The following TEX30 variants were observed in gnomAD, a reference collection of about 807,000 sequenced individuals.
The protein encoded by TEX30 is testis expressed 30.
TEX30 carries 14 observed loss-of-function variants against 23.8 expected under a neutral mutation model. That is an observed-to-expected ratio of 0.59 (90% CI 0.39 to 0.92). The LOEUF (loss-of-function observed/expected upper bound fraction) is 0.92. Ranked by LOEUF, TEX30 falls within the 40% of genes least tolerant of loss-of-function variation. TEX30 has a pLI of 0.00. For synonymous variants in TEX30, 78 were observed against 90.2 expected (o/e 0.87, Z 0.76); for missense variants, 246 against 270.6 (o/e 0.91, Z 0.64).
Position 102,773,757 on chromosome 13 carries a change from G to C in TEX30, c.-136C>G, listed in dbSNP as rs980686136. 4.6e-5 allele frequency: 7 copies of C among 152,076 alleles called. No homozygotes were observed. Among genetic ancestry groups the C allele is most frequent in the Non-Finnish European group, 7.4e-5 (5 of 67,974 alleles). 9.4% of individuals were successfully genotyped at this position (152,076 alleles called of 1,614,324 possible). A position where few individuals can be genotyped will look rare whatever the true frequency, so the allele number is the denominator to read the frequency against. On this transcript the variant is annotated 5_prime_UTR_variant, in exon 1 of 6. Coordinates refer to ENST00000376032, the MANE Select transcript of TEX30 (RefSeq NM_138779.5). ...GGGAGCTGACTAGCGCGCTCGAAGC[G>C]ACCGCCTCGCCTGCCCCGCCACAGC...
At chr13:102,768,827 T>C (rs1047459667) in intron 3 of TEX30, among the ~76,000 whole-genome samples, 7 of 152,200 alleles carry the variant, frequency 4.6e-5, no homozygotes, top group Admixed American at 1.3e-4. Context: ...TCATAATGTT[T>C]TAAGTAAGTT....
At chr13:102,768,009 G>C (rs1008771986) in intron 4 of TEX30, among the ~76,000 whole-genome samples, 4 of 152,114 alleles carry the variant, frequency 2.6e-5, no homozygotes, top group Admixed American at 1.3e-4. Flanking sequence ...TCATTGTAAA[G>C]GAATCATCAT....
chr13:102,770,615 T>C (rs1877253949), intron 1 of TEX30: 1 of 152,222 alleles, frequency 6.6e-6, no homozygotes, highest in East Asian at 1.9e-4. Flanking sequence ...TAGGTAGACA[T>C]TTCAATGTGT....
At chr13:102,771,666 A>G (rs192525947) in intron 1 of TEX30, among the ~76,000 whole-genome samples, 29 of 152,342 alleles carry the variant, frequency 1.9e-4, no homozygotes, top group South Asian at 2.1e-4. Context: ...CTATCTTCAT[A>G]CATGCAGCCC....
chr13:102,771,065 C>G (rs1877283465), intron 1 of TEX30, among the ~76,000 whole-genome samples: 1 of 152,222 alleles, frequency 6.6e-6, no homozygotes, highest in African/African-American at 2.4e-5. Context: ...CCACTCTTGA[C>G]TTGACATCAG....
At chr13:102,768,701 G>T (rs974287032) in intron 3 of TEX30, among the ~76,000 whole-genome samples, 3 of 152,124 alleles carry the variant, frequency 2.0e-5, no homozygotes, top group Non-Finnish European at 1.5e-5. Context: ...TAGATCAGGG[G>T]TGTTCAATCT....
chr13:102,768,646 A>G (rs1332088132), intron 3 of TEX30, among the ~76,000 whole-genome samples: 2 of 152,246 alleles, frequency 1.3e-5, no homozygotes, highest in African/African-American at 4.8e-5. Flanking sequence ...TGATAATGTT[A>G]ACATCTAAAG....
At position 102,766,341 on chromosome 13, in the gene TEX30, G is replaced by C; in HGVS notation, c.*60C>G. 2.2e-6 allele frequency: 3 copies of C among 1,379,794 alleles called. No individual in the cohort carries two copies. Among genetic ancestry groups the C allele is most frequent in the Non-Finnish European group, 3.0e-6 (3 of 995,518 alleles). 85.5% of individuals were successfully genotyped at this position (1,379,794 alleles called of 1,614,324 possible). ...TCTGAAATATATCTCACAATGCTGA[G>C]AGGCATACTCTTCTTTATCAAATTA... On this transcript the variant is annotated 3_prime_UTR_variant, in exon 6 of 6. Coordinates refer to ENST00000376032, the MANE Select transcript of TEX30 (RefSeq NM_138779.5).
chr13:102,769,608 T>C, intron 2 of TEX30, 67 bp from the exon 3 acceptor site: 1 of 928,414 alleles, frequency 1.1e-6, no homozygotes, highest in Non-Finnish European at 1.6e-6. Flanking sequence ...TGAACAGCTA[T>C]ATATATGTTT....
Position 102,766,547 on chromosome 13 carries a change from C to T in TEX30, c.538G>A (p.Ala180Thr). 1 of 1,613,174 alleles carries T rather than the reference C, an allele frequency of 6.2e-7. No homozygotes were observed. ...TCAATCCAGTGGATTTTATGGGGAG[C>T]TTGCATTTTCTGTGCCACTTTCTCC... ...LLEKVAQKMQAPHKIHWIEKA... is the reference protein window; with the variant it reads ...LLEKVAQKMQTPHKIHWIEKA... Residue 180 changes from alanine (A) to threonine (T), a missense_variant, in exon 6 of 6, where the codon GCT becomes ACT. Physicochemically the swap from Ala to Thr is moderately conservative, Grantham distance 58. Coordinates refer to ENST00000376032, the MANE Select transcript of TEX30 (RefSeq NM_138779.5).
intron 2 of TEX30, 74 bp downstream of exon 2, chr13:102,769,938 A>T: frequency 7.9e-7 from 1 of 1,268,068 alleles, no homozygotes; most frequent in Non-Finnish European, 1.0e-6. Context: ...AAATAAAATT[A>T]CTCTGAAGCC....
Position 102,769,409 on chromosome 13 carries a change from G to T in TEX30, c.148C>A (p.Leu50Met). ...CCATGAGATGCAAGATGGGATGCCA[G>T]TGACATCAAATGAGGAAGATTCATA... Reference protein sequence around the residue: ...GDMNLPHLMSLASHLASHGFF... With the variant: ...GDMNLPHLMSMASHLASHGFF... The change falls in exon 3 of 6, where the codon CTG (leucine) becomes ATG (methionine). Residue 50 changes from leucine (L) to methionine (M), a missense_variant. Coordinates refer to ENST00000376032, the MANE Select transcript of TEX30 (RefSeq NM_138779.5). 3 of 1,609,940 alleles carry T rather than the reference G, an allele frequency of 1.9e-6. No individual in the cohort carries two copies. The highest frequency in any genetic ancestry group is 2.5e-6 in the Non-Finnish European group (3 of 1,178,622).
At chr13:102,771,172 G>A (rs2139048210) in intron 1 of TEX30, among the ~76,000 whole-genome samples, 1 of 152,172 alleles carries the variant, frequency 6.6e-6, no homozygotes, top group Non-Finnish European at 1.5e-5. Context: ...GTATTTATAA[G>A]ATAAATTCCT....
intron 1 of TEX30, among the ~76,000 whole-genome samples, chr13:102,771,296 T>G (rs1877301038): frequency 6.6e-6 from 1 of 152,222 alleles, no homozygotes; most frequent in South Asian, 2.1e-4. Context: ...GTGCACACGG[T>G]ACATTAAAAA....
Position 102,766,039 on chromosome 13 carries a change from T to C in TEX30, c.*362A>G, listed in dbSNP as rs1876843137. Reference sequence around the variant, plus strand: ...AAATCTCTGACTAGATTAACCATAATGTTTTCCTTTTCTGAAGATAACGCT... The same window carrying C: ...AAATCTCTGACTAGATTAACCATAACGTTTTCCTTTTCTGAAGATAACGCT... On this transcript the variant is annotated 3_prime_UTR_variant, in exon 6 of 6. Coordinates refer to ENST00000376032, the MANE Select transcript of TEX30 (RefSeq NM_138779.5). 1 of 160,484 alleles carries C rather than the reference T, an allele frequency of 6.2e-6. No individual in the cohort carries two copies. The highest frequency in any genetic ancestry group is 2.4e-5 in the African/African-American group (1 of 41,748). 9.9% of individuals were successfully genotyped at this position (160,484 alleles called of 1,614,324 possible). A position where few individuals can be genotyped will look rare whatever the true frequency, so the allele number is the denominator to read the frequency against.
chr13:102,769,103 T>C (rs1464749395), intron 3 of TEX30, among the ~76,000 whole-genome samples: 1 of 152,178 alleles, frequency 6.6e-6, no homozygotes, highest in African/African-American at 2.4e-5. Context: ...CGGAGGAACA[T>C]TTATGATGTA....
At chr13:102,769,984 GA>G in intron 2 of TEX30, 27 bp downstream of exon 2, 1 of 1,426,336 alleles carries the variant, frequency 7.0e-7, no homozygotes, top group Non-Finnish European at 9.2e-7. Context: ...CAGGAACCCT[GA>G]AGATGCAGAA....
rs1296296067 is a variant in TEX30 at position 102,766,116 on chromosome 13, T to C, written c.*285A>G. On this transcript the variant is annotated 3_prime_UTR_variant, in exon 6 of 6. Coordinates refer to ENST00000376032, the MANE Select transcript of TEX30 (RefSeq NM_138779.5). ...TCAATAAGACAAAAGCACCTTTTTGTAACAAAATTCAGATGTTTAATTTTT... is the reference window on the plus strand; with the variant it reads ...TCAATAAGACAAAAGCACCTTTTTGCAACAAAATTCAGATGTTTAATTTTT... 1 of 197,128 alleles carries C rather than the reference T, an allele frequency of 5.1e-6. No individual in the cohort carries two copies. The highest frequency in any genetic ancestry group is 1.0e-5 in the Non-Finnish European group (1 of 98,214). The allele number at this position is 197,128 out of a possible 1,614,324, so 12.2% of individuals were successfully genotyped here. A position where few individuals can be genotyped will look rare whatever the true frequency, so the allele number is the denominator to read the frequency against.
At chr13:102,772,616 C>T (rs1335174056) in intron 1 of TEX30, among the ~76,000 whole-genome samples, 1 of 152,174 alleles carries the variant, frequency 6.6e-6, no homozygotes, top group Non-Finnish European at 1.5e-5. Flanking sequence ...TGCTCTGTCC[C>T]CCAGGCAGGA....
Sources: allele counts gnomAD v4.1 joint callset (sites outside exome capture counted in the v4.1 genomes callset), GRCh38; gene constraint gnomAD v4.1.1; transcripts MANE v1.5; gene names NCBI Gene and HGNC (gene_info 2026-07-23, HGNC 2026-07-21).